Variants in ABLIM2 observed in about 807,000 individuals in gnomAD.
ABLIM2 encodes the protein actin binding LIM protein family member 2, also known as actin-binding LIM protein 2.
In ABLIM2, 53 loss-of-function variants were observed where a neutral mutation model predicts 97.7. That is an observed-to-expected ratio of 0.54 (90% CI 0.44 to 0.68). ABLIM2 has a LOEUF of 0.68. Ranked by LOEUF, ABLIM2 falls within the 30% of genes least tolerant of loss-of-function variation. ABLIM2 has a pLI of 0.00. For missense variants in ABLIM2, 835 were observed against 867.2 expected (o/e 0.96, Z 0.47); for synonymous variants, 361 against 345.8 (o/e 1.04, Z -0.49).
rs1273959647 is a variant in ABLIM2 at position 8,127,045 on chromosome 4, G to A, written c.11-20408C>T. On this transcript the variant is annotated intron_variant, in intron 1 of 20. Transcript: ENST00000447017. The surrounding 1 kb of genome is among the most constrained non-coding windows in gnomAD (Gnocchi z 7.3). ...CATGCCACTGCACTCCAGCCTGGGT[G>A]ACAGAGTGAGTCCCTGCCTCCAGAA... Among the ~76,000 whole-genome samples the A allele has an allele frequency of 6.7e-6, 1 of 149,412 alleles. No individual in the cohort carries two copies. Among genetic ancestry groups the A allele is most frequent in the Non-Finnish European group, 1.5e-5 (1 of 67,664 alleles).
chr4:8,007,184 C>T, intron 16 of ABLIM2: 1 of 985,424 alleles, frequency 1.0e-6, no homozygotes, highest in Non-Finnish European at 1.2e-6. Context: ...GAAACAGTTT[C>T]TGTTTACTGA....
At chr4:8,034,478 AGGTGGGTGCAGGTG>A (rs1782951615) in intron 10 of ABLIM2, among the ~76,000 whole-genome samples, 1 of 63,630 alleles carries the variant, frequency 1.6e-5, no homozygotes, top group Non-Finnish European at 3.0e-5. Context: ...GGTGGGTGGT[AGGTGGGTGCAGGTG>A]GGTGGGTGGT....
chr4:7,969,574 G>A (rs1412329977), intron 20 of ABLIM2, among the ~76,000 whole-genome samples: 5 of 152,126 alleles, frequency 3.3e-5, no homozygotes, highest in Non-Finnish European at 5.9e-5. Context: ...TGCCACTCAC[G>A]CATTTCACAA....
At position 7,998,313 on chromosome 4, in the gene ABLIM2, T is replaced by G. The variant is rs1213483284; in HGVS notation, c.1619-5386A>C. Among the ~76,000 whole-genome samples, 1 of 152,208 alleles carries G rather than the reference T, an allele frequency of 6.6e-6. No individual in the cohort carries two copies. Among genetic ancestry groups the G allele is most frequent in the Admixed American group, 6.5e-5 (1 of 15,276 alleles). ...ACTGATCTTGTTAAGTGTTAAATCC[T>G]CTATTTGAGCAGGCTGTCACCCTGT... On this transcript the variant is annotated intron_variant, in intron 16 of 20. Coordinates refer to ENST00000447017, the MANE Select transcript of ABLIM2 (RefSeq NM_001130083.2). This position sits in a 1 kb window ranked among gnomAD's most constrained non-coding sequence, Gnocchi z 6.4.
intron 14 of ABLIM2, among the ~76,000 whole-genome samples, chr4:8,012,220 T>C (rs1025093988): frequency 1.3e-5 from 2 of 149,128 alleles, no homozygotes; most frequent in Admixed American, 1.3e-4. Flanking sequence ...TATACATCCA[T>C]CTGTCCATTC....
intron 16 of ABLIM2, among the ~76,000 whole-genome samples, chr4:8,000,526 A>G (rs998367465): frequency 2.6e-5 from 4 of 152,070 alleles, no homozygotes; most frequent in Admixed American, 2.6e-4. Flanking sequence ...ACAGCAAGTG[A>G]CGGGCTGGGA....
chr4:8,091,341 ATATATATAT>A lies in ABLIM2; in HGVS notation c.339-3066_339-3058del, dbSNP rs1827550287. Among the ~76,000 whole-genome samples the A allele has an allele frequency of 6.7e-4, 13 of 19,528 alleles. 1 individual carries two copies. The highest frequency in any genetic ancestry group is 9.9e-4 in the Non-Finnish European group (11 of 11,160). The allele number at this position is 19,528 out of a possible 152,430, so 12.8% of individuals were successfully genotyped here. ...TAATTATATATATATTATATATATA[ATATATATAT>A]AATTATATATATATTATATTACATA... On this transcript the variant is annotated intron_variant, in intron 3 of 20. Transcript: ENST00000447017.
chr4:8,099,539 C>G (rs1029290784), intron 2 of ABLIM2, among the ~76,000 whole-genome samples: 1 of 152,100 alleles, frequency 6.6e-6, no homozygotes, highest in Non-Finnish European at 1.5e-5. Context: ...AAGGTCACCA[C>G]AAGGTGGTTA....
intron 16 of ABLIM2, among the ~76,000 whole-genome samples, chr4:8,000,148 A>G (rs1024181610): frequency 1.1e-4 from 16 of 151,946 alleles, no homozygotes; most frequent in African/African-American, 3.6e-4. Context: ...CCATCTGAGG[A>G]AGGGGGGCAC....
At chr4:8,078,546 G>C (rs1392204687) in intron 5 of ABLIM2, among the ~76,000 whole-genome samples, 1 of 152,210 alleles carries the variant, frequency 6.6e-6, no homozygotes, top group African/African-American at 2.4e-5. Flanking sequence ...ATTATTAAGA[G>C]ATCAACATGC....
chr4:8,042,473 G>C (rs1028607804), intron 9 of ABLIM2, among the ~76,000 whole-genome samples: 4 of 152,136 alleles, frequency 2.6e-5, no homozygotes, highest in African/African-American at 9.7e-5. Context: ...TCCCCACTCA[G>C]TCTGTTCCCA....
At chr4:8,146,836 TG>T (rs1230435636) in intron 1 of ABLIM2, among the ~76,000 whole-genome samples, 1 of 108,450 alleles carries the variant, frequency 9.2e-6, no homozygotes, top group African/African-American at 2.9e-5. Flanking sequence ...AGTCAACAAA[TG>T]TTTTTTTAAA....
At chr4:7,982,751 T>C (rs1162094183) in intron 20 of ABLIM2, among the ~76,000 whole-genome samples, 1 of 152,124 alleles carries the variant, frequency 6.6e-6, no homozygotes, top group Non-Finnish European at 1.5e-5. Context: ...TCACCCAGGC[T>C]GGAGTGCAGT....
intron 14 of ABLIM2, among the ~76,000 whole-genome samples, chr4:8,010,975 T>A (rs992794016): frequency 6.6e-6 from 1 of 152,174 alleles, no homozygotes; most frequent in African/African-American, 2.4e-5. Context: ...TGGGGCTGAG[T>A]TGGCTGGCAA....
In ABLIM2 at chr4:7,992,308, G is replaced by A. The variant is rs1469384336; in HGVS notation, c.1680+558C>T. On this transcript the variant is annotated intron_variant, in intron 17 of 20. Transcript: ENST00000447017. This position sits in a 1 kb window ranked among gnomAD's most constrained non-coding sequence, Gnocchi z 5.7. ...AAGCATCAGAAAACTCAGGGTAGGA[G>A]GTGGCACCAGTCTTCAGCTAGGGGC... Among the ~76,000 whole-genome samples the A allele has an allele frequency of 6.6e-6, 1 of 152,196 alleles. No individual in the cohort carries two copies. Among genetic ancestry groups the A allele is most frequent in the Non-Finnish European group, 1.5e-5 (1 of 68,032 alleles).
Position 8,043,768 on chromosome 4 carries a change from A to C in ABLIM2, c.900+1396T>G, listed in dbSNP as rs968548170. On this transcript the variant is annotated intron_variant, in intron 9 of 20. Transcript: ENST00000447017. The surrounding 1 kb of genome is among the most constrained non-coding windows in gnomAD (Gnocchi z 4.8). Reference sequence around the variant, plus strand: ...CACAGATGATGGTAACAGTAACGGCAGCAAGCGTTTCCCACAGCCTTCTTC... The same window carrying C: ...CACAGATGATGGTAACAGTAACGGCCGCAAGCGTTTCCCACAGCCTTCTTC... Among the ~76,000 whole-genome samples, 3 of 152,224 alleles carry C rather than the reference A, an allele frequency of 2.0e-5. No homozygotes were observed. The highest frequency in any genetic ancestry group is 4.4e-5 in the Non-Finnish European group (3 of 68,034).
chr4:8,036,044 G>A lies in ABLIM2; in HGVS notation c.1047+105C>T, dbSNP rs1349169943. 2.9e-6 allele frequency: 4 copies of A among 1,367,676 alleles called. No individual in the cohort carries two copies. The African/African-American group carries it at 5.8e-5, about 20-fold the overall frequency. 84.7% of individuals were successfully genotyped at this position (1,367,676 alleles called of 1,614,324 possible). Reference sequence around the variant, plus strand: ...GAGCGTGTGGGTGAGTGGTGAAGATGGAAGTGGCTCTGGCCCCATAGGACA... The same window carrying A: ...GAGCGTGTGGGTGAGTGGTGAAGATAGAAGTGGCTCTGGCCCCATAGGACA... On this transcript the variant is annotated intron_variant, in intron 10 of 20. Transcript: ENST00000447017.
chr4:7,995,230 T>C (rs745627851), intron 16 of ABLIM2, among the ~76,000 whole-genome samples: 2 of 152,204 alleles, frequency 1.3e-5, no homozygotes, highest in African/African-American at 2.4e-5. Context: ...CACTAGCCTA[T>C]GGGGCCTTAA....
intron 5 of ABLIM2, among the ~76,000 whole-genome samples, chr4:8,079,832 C>G (rs1818645872): frequency 6.6e-6 from 1 of 152,160 alleles, no homozygotes; most frequent in Non-Finnish European, 1.5e-5. Context: ...CCCATCAATT[C>G]CTGTGATGAT....
Sources: allele counts gnomAD v4.1 joint callset (sites outside exome capture counted in the v4.1 genomes callset), GRCh38; gene constraint gnomAD v4.1.1; non-coding constraint Gnocchi (gnomAD v3.1); transcripts MANE v1.5; gene names NCBI Gene and HGNC (gene_info 2026-07-23, HGNC 2026-07-21).